Variants in PTPN14 observed in about 807,000 individuals in gnomAD.
PTPN14 encodes protein tyrosine phosphatase non-receptor type 14, also known as tyrosine-protein phosphatase non-receptor type 14.
A neutral mutation model predicts 126.8 loss-of-function variants in PTPN14; 53 were observed. The ratio of observed to expected loss-of-function variants is 0.42; its 90% CI spans 0.34 to 0.53. The LOEUF (loss-of-function observed/expected upper bound fraction) is 0.53, where lower values mean the gene tolerates loss of function less well. PTPN14 is among the 20% of genes least tolerant of loss of function. The pLI is 0.08. For missense variants in PTPN14, 1,257 were observed against 1,552.9 expected, an observed-to-expected ratio of 0.81 and a Z score of 3.20; for synonymous variants, 630 against 599.3, an observed-to-expected ratio of 1.05 and a Z score of -0.75.
chr1:214,443,272 A>T (rs1660074308), intron 3 of PTPN14, among the ~76,000 whole-genome samples: 1 of 152,150 alleles, frequency 6.6e-6, no homozygotes, highest in South Asian at 2.1e-4. Context: ...AACATAAGAA[A>T]ATCCTAGTTG....
At chr1:214,382,698 T>C (rs1480005309) in intron 13 of PTPN14, among the ~76,000 whole-genome samples, 1 of 152,256 alleles carries the variant, frequency 6.6e-6, no homozygotes, top group Admixed American at 6.5e-5. Context: ...TGGTAATATG[T>C]ATGTATATAT....
rs1657850781 is a variant in PTPN14 at position 214,357,486 on chromosome 1, C to T, written c.*436G>A. The T allele has an allele frequency of 6.6e-6, 1 of 152,512 alleles. No individual in the cohort carries two copies. Among genetic ancestry groups the T allele is most frequent in the African/African-American group, 2.4e-5 (1 of 41,432 alleles). The allele number at this position is 152,512 out of a possible 1,614,324, so 9.4% of individuals were successfully genotyped here. ...TTACCGTCTTTGCTTTGGATATAAG[C>T]AATGAATGATGAATGAATCAAGCTG... is the stretch of plus-strand genomic sequence containing the variant. On this transcript the variant is annotated 3_prime_UTR_variant, in exon 19 of 19. Transcript: ENST00000366956.
At chr1:214,474,468 T>TA (rs1182144696) in intron 1 of PTPN14, among the ~76,000 whole-genome samples, 3 of 152,034 alleles carry the variant, frequency 2.0e-5, no homozygotes, top group Non-Finnish European at 4.4e-5. Flanking sequence ...TGACATAGGA[T>TA]AAAAAATGGC....
chr1:214,546,914 A>G (rs1571663523), intron 1 of PTPN14, among the ~76,000 whole-genome samples: 2 of 152,302 alleles, frequency 1.3e-5, no homozygotes, highest in South Asian at 4.1e-4. Context: ...AAGAAAATCA[A>G]ACAAAAGCTT....
At chr1:214,380,313 A>G (rs1658443314) in intron 13 of PTPN14, among the ~76,000 whole-genome samples, 1 of 152,204 alleles carries the variant, frequency 6.6e-6, no homozygotes, top group Admixed American at 6.5e-5. Context: ...ACAAAAAGTA[A>G]TTAACTTGTC....
Position 214,384,261 on chromosome 1 carries a change from C to T in PTPN14, c.1594G>A (p.Ala532Thr), listed in dbSNP as rs373438300. 5.1e-5 allele frequency: 83 copies of T among 1,614,106 alleles called. No individual in the cohort carries two copies. The South Asian group carries it at 8.2e-4, about 16-fold the overall frequency. Residue 532 changes from alanine (A) to threonine (T), a missense_variant, in exon 13 of 19, where the codon GCC (alanine) becomes ACC (threonine). Ala to Thr is a moderately conservative substitution (Grantham distance 58). Transcript: ENST00000366956. The surrounding 1 kb of genome is among the most constrained non-coding windows in gnomAD (Gnocchi z 5.3). ...GGGGTGCTCACCGTGTGCGAGATGG[C>T]GCTTGCCCCCGGCTTGCTTGGTACC... is the stretch of plus-strand genomic sequence containing the variant. ...NVVPSKPGAS[A>T]ISHTVSTPEL...
At chr1:214,402,688 A>AGGGAGGGAGGGAGGGAGGGAGGGAGGGG (rs377331007) in intron 6 of PTPN14, among the ~76,000 whole-genome samples, 195 bp downstream of exon 6, 1 of 136,030 alleles carries the variant, frequency 7.4e-6, no homozygotes, top group Non-Finnish European at 1.6e-5. Flanking sequence ...GGAGGGAGGG[A>AGGGAGGGAGGGAGGGAGGGAGGGAGGGG]AGGAAGGAAC....
intron 18 of PTPN14, among the ~76,000 whole-genome samples, chr1:214,358,745 C>CA (rs1448310173): frequency 1.7e-5 from 1 of 58,400 alleles, no homozygotes; most frequent in African/African-American, 1.1e-4. Flanking sequence ...ACTCATTATT[C>CA]CTTTTTTTTT....
At chr1:214,490,105 C>T (rs1661197750) in intron 1 of PTPN14, among the ~76,000 whole-genome samples, 2 of 152,184 alleles carry the variant, frequency 1.3e-5, no homozygotes, top group African/African-American at 4.8e-5. Context: ...AATCCCAAGG[C>T]TTTGAGCAAG....
chr1:214,433,485 G>A (rs1659838941), intron 3 of PTPN14, among the ~76,000 whole-genome samples: 1 of 151,978 alleles, frequency 6.6e-6, no homozygotes, highest in Non-Finnish European at 1.5e-5. Flanking sequence ...AAGGCAGCAA[G>A]TAACTAACAG....
At chr1:214,501,060 T>C (rs534769245) in intron 1 of PTPN14, among the ~76,000 whole-genome samples, 1 of 152,320 alleles carries the variant, frequency 6.6e-6, no homozygotes, top group Admixed American at 6.5e-5. Context: ...TGATAGGCTG[T>C]ACAATTTTAA....
intron 1 of PTPN14, chr1:214,531,497 CT>C (rs1314742879): frequency 4.9e-5 from 7 of 141,422 alleles, no homozygotes; most frequent in African/African-American, 1.9e-4. Context: ...ACAACCCAGC[CT>C]AACACACACA....
At chr1:214,518,068 C>T (rs533219572) in intron 1 of PTPN14, among the ~76,000 whole-genome samples, 23 of 152,292 alleles carry the variant, frequency 1.5e-4, no homozygotes, top group African/African-American at 5.3e-4. Flanking sequence ...TTCATAACCC[C>T]TGAGCTACCA....
intron 1 of PTPN14, among the ~76,000 whole-genome samples, chr1:214,478,067 C>T (rs1660903949): frequency 6.6e-6 from 1 of 152,156 alleles, no homozygotes; most frequent in Non-Finnish European, 1.5e-5. Flanking sequence ...ATTTGCACCC[C>T]AAATCCCTTT....
chr1:214,498,222 A>G (rs1024280718), intron 1 of PTPN14, among the ~76,000 whole-genome samples: 4 of 152,194 alleles, frequency 2.6e-5, no homozygotes, highest in African/African-American at 9.6e-5. Context: ...GCCAAGAGTT[A>G]AGCTCCTCCT....
intron 2 of PTPN14, among the ~76,000 whole-genome samples, chr1:214,456,582 C>T (rs1464177822): frequency 1.3e-5 from 2 of 152,128 alleles, no homozygotes; most frequent in East Asian, 3.9e-4. Flanking sequence ...TAGCCAATCT[C>T]TTTATAAAAG....
chr1:214,498,992 A>G (rs1465684919), intron 1 of PTPN14, among the ~76,000 whole-genome samples: 1 of 152,078 alleles, frequency 6.6e-6, no homozygotes, highest in Non-Finnish European at 1.5e-5. Context: ...TATTTTATAG[A>G]GACAGTCTCA....
chr1:214,406,453 C>T (rs897392976), intron 5 of PTPN14, among the ~76,000 whole-genome samples: 1 of 151,204 alleles, frequency 6.6e-6, no homozygotes, highest in Non-Finnish European at 1.5e-5. Flanking sequence ...CGCACTCCAG[C>T]CTGGGTGACA....
intron 3 of PTPN14, among the ~76,000 whole-genome samples, chr1:214,427,733 G>C (rs868139511): frequency 6.6e-6 from 1 of 152,140 alleles, no homozygotes; most frequent in Non-Finnish European, 1.5e-5. Flanking sequence ...TAGCAAGGTA[G>C]GAGGTGGTCA....
Sources: allele counts gnomAD v4.1 joint callset (sites outside exome capture counted in the v4.1 genomes callset), GRCh38; gene constraint gnomAD v4.1.1; non-coding constraint Gnocchi (gnomAD v3.1); transcripts MANE v1.5; gene names NCBI Gene and HGNC (gene_info 2026-07-23, HGNC 2026-07-21).